TMOD1: variants seen among roughly 807,000 people sequenced by gnomAD.
TMOD1 encodes the protein tropomodulin-1.
A neutral mutation model predicts 40.6 loss-of-function variants in TMOD1; 17 were observed. The ratio of observed to expected loss-of-function variants is 0.42; its 90% CI spans 0.29 to 0.63. TMOD1 has a LOEUF of 0.63. TMOD1 is among the 20% of genes least tolerant of loss of function. The pLI, the probability that TMOD1 is intolerant of heterozygous loss-of-function variation, is 0.22. For missense variants in TMOD1, 391 were observed against 447.6 expected (o/e 0.87, Z 1.14); for synonymous variants, 181 against 175.0 (o/e 1.03, Z -0.27).
At chr9:97,550,546 T>C (rs1365565258) in intron 3 of TMOD1, among the ~76,000 whole-genome samples, 1 of 152,200 alleles carries the variant, frequency 6.6e-6, no homozygotes. Context: ...TTTTCCATTT[T>C]TTAAAATTGT....
intron 2 of TMOD1, among the ~76,000 whole-genome samples, chr9:97,527,504 T>C (rs1587921735): frequency 6.6e-6 from 1 of 152,230 alleles, no homozygotes; most frequent in African/African-American, 2.4e-5. Context: ...TGGATTTTTT[T>C]AATTCCATGC....
intron 3 of TMOD1, among the ~76,000 whole-genome samples, chr9:97,552,720 C>T (rs112296685): frequency 6.3e-4 from 96 of 152,276 alleles, no homozygotes; most frequent in African/African-American, 2.1e-3. Context: ...GCTGGAAGTC[C>T]ATTGTATGGA....
rs140909465 is a variant in TMOD1 at position 97,579,480 on chromosome 9, C to T, written c.870+10443C>T. Reference sequence around the variant, plus strand: ...TGGTTTTTGTAGTGACGAGTTTTCTCTATGTTGCCTGCCCAGGTTGGTCTC... The same window carrying T: ...TGGTTTTTGTAGTGACGAGTTTTCTTTATGTTGCCTGCCCAGGTTGGTCTC... On this transcript the variant is annotated intron_variant, in intron 8 of 9. Coordinates refer to ENST00000259365, the MANE Select transcript of TMOD1 (RefSeq NM_003275.4). 5.3e-4 allele frequency among the ~76,000 whole-genome samples: 81 copies of T among 152,246 alleles called. 2 individuals carry two copies. Among genetic ancestry groups the T allele is most frequent in the African/African-American group, 1.8e-3 (75 of 41,534 alleles).
At chr9:97,563,190 G>T (rs1438316897) in intron 5 of TMOD1, among the ~76,000 whole-genome samples, 7 of 152,108 alleles carry the variant, frequency 4.6e-5, no homozygotes, top group Non-Finnish European at 1.0e-4. Flanking sequence ...AGTAGCTGAG[G>T]CTACAGGTGT....
intron 1 of TMOD1, chr9:97,512,925 A>G (rs998071516): frequency 2.0e-5 from 3 of 152,218 alleles, no homozygotes; most frequent in African/African-American, 7.2e-5. Flanking sequence ...AGCCTTGCAC[A>G]CTTGACTGTA....
intron 4 of TMOD1, among the ~76,000 whole-genome samples, chr9:97,558,944 A>G (rs192487560): frequency 5.3e-4 from 81 of 152,296 alleles, no homozygotes; most frequent in Admixed American, 4.6e-3. Context: ...CCTGAAATGC[A>G]GGTCTGCTTC....
At chr9:97,566,739 G>A (rs11795334) in intron 7 of TMOD1, among the ~76,000 whole-genome samples, 24,373 of 152,108 alleles carry the variant, frequency 0.16, 2,437 homozygotes, top group Middle Eastern at 0.36. Flanking sequence ...AGGTCCCAAT[G>A]ACCAATTTTA....
intron 4 of TMOD1, chr9:97,555,572 G>A: frequency 1.3e-6 from 2 of 1,528,668 alleles, no homozygotes; most frequent in Admixed American, 2.1e-5. Context: ...GGAAGGAGAG[G>A]GGAGCTGTAA....
At chr9:97,539,971 C>CAAAAAAAA (rs34844299) in intron 2 of TMOD1, among the ~76,000 whole-genome samples, 3 of 71,926 alleles carry the variant, frequency 4.2e-5, no homozygotes, top group Admixed American at 1.7e-4. Context: ...GACTCTGTCT[C>CAAAAAAAA]AAAAAAAAAA....
At position 97,531,579 on chromosome 9, in the gene TMOD1, C is replaced by G. The variant is rs533596864; in HGVS notation, c.120+7271C>G. ...TGAGCCAAGATCATGCCACTGCACT[C>G]CAGCCTGGGTGACAGAGCAAGACTC... On this transcript the variant is annotated intron_variant, in intron 2 of 9. Coordinates refer to ENST00000259365, the MANE Select transcript of TMOD1 (RefSeq NM_003275.4). Among the ~76,000 whole-genome samples, 321 of 152,200 alleles carry G rather than the reference C, an allele frequency of 2.1e-3. 2 individuals carry two copies. The highest frequency in any genetic ancestry group is 7.4e-3 in the African/African-American group (305 of 41,492).
chr9:97,592,670 G>A (rs1032175710), intron 9 of TMOD1, among the ~76,000 whole-genome samples: 2 of 152,204 alleles, frequency 1.3e-5, no homozygotes, highest in Admixed American at 1.3e-4. Flanking sequence ...AGATGAGTGT[G>A]TAGGAGTGAA....
chr9:97,524,873 AG>A (rs1165164127), intron 2 of TMOD1, among the ~76,000 whole-genome samples: 2 of 20,856 alleles, frequency 9.6e-5, no homozygotes, highest in East Asian at 1.7e-3. Context: ...CCGCCATATC[AG>A]GGGGAATAAT....
intron 2 of TMOD1, among the ~76,000 whole-genome samples, chr9:97,532,768 A>C (rs1302364945): frequency 1.3e-5 from 2 of 152,202 alleles, no homozygotes; most frequent in Non-Finnish European, 2.9e-5. Flanking sequence ...ACCTACATGA[A>C]GGAAGGAAGA....
intron 2 of TMOD1, among the ~76,000 whole-genome samples, chr9:97,541,276 C>T (rs1325579667): frequency 6.6e-6 from 1 of 152,190 alleles, no homozygotes; most frequent in Non-Finnish European, 1.5e-5. Context: ...CAATCTCTGC[C>T]TCCTAAGTTC....
chr9:97,531,035 C>T, intron 2 of TMOD1, among the ~76,000 whole-genome samples: 1 of 124,786 alleles, frequency 8.0e-6, no homozygotes, highest in African/African-American at 3.2e-5. Context: ...TGATCCACAC[C>T]CACCCCCCCC....
Position 97,601,003 on chromosome 9 carries a change from A to C in TMOD1, c.*1305A>C. 6.2e-6 allele frequency: 8 copies of C among 1,282,058 alleles called. No homozygotes were observed. Among genetic ancestry groups the C allele is most frequent in the Non-Finnish European group, 7.2e-6 (7 of 975,640 alleles). 79.4% of individuals were successfully genotyped at this position (1,282,058 alleles called of 1,614,324 possible). On this transcript the variant is annotated 3_prime_UTR_variant, in exon 10 of 10. Coordinates refer to ENST00000259365, the MANE Select transcript of TMOD1 (RefSeq NM_003275.4). Reference sequence around the variant, plus strand: ...GGTCAAGAACTCCAGAGCACTGAGCAGAGAGGCTGGTGATGAAAAGGTGAA... The same window carrying C: ...GGTCAAGAACTCCAGAGCACTGAGCCGAGAGGCTGGTGATGAAAAGGTGAA...
chr9:97,559,813 A>C (rs759895228), intron 4 of TMOD1, among the ~76,000 whole-genome samples: 16,148 of 61,038 alleles, frequency 0.26, 2,062 homozygotes, highest in South Asian at 0.47. Context: ...ATATATATAT[A>C]TATATATATA....
chr9:97,579,778 C>G (rs1825703241), intron 8 of TMOD1, among the ~76,000 whole-genome samples: 1 of 152,172 alleles, frequency 6.6e-6, no homozygotes, highest in Non-Finnish European at 1.5e-5. Context: ...GGCAGATGGA[C>G]TCTGCCAGGT....
chr9:97,537,030 C>A (rs991603200), intron 2 of TMOD1, among the ~76,000 whole-genome samples: 1 of 152,174 alleles, frequency 6.6e-6, no homozygotes, highest in Admixed American at 6.5e-5. Flanking sequence ...AATATATATA[C>A]ATGCTAATTA....
Sources: allele counts gnomAD v4.1 joint callset (sites outside exome capture counted in the v4.1 genomes callset), GRCh38; gene constraint gnomAD v4.1.1; transcripts MANE v1.5; gene names NCBI Gene and HGNC (gene_info 2026-07-23, HGNC 2026-07-21).